MSRB3: variants seen among roughly 807,000 people sequenced by gnomAD.
MSRB3 encodes methionine-R-sulfoxide reductase B3.
In MSRB3, 13 loss-of-function variants were observed where a neutral mutation model predicts 21.0. The observed-to-expected ratio is 0.62, with a 90% CI of 0.40 to 0.98. The LOEUF is 0.98. Ranked by LOEUF, MSRB3 falls within the 50% of genes least tolerant of loss-of-function variation. The pLI, the probability that MSRB3 is intolerant of heterozygous loss-of-function variation, is 0.00. For synonymous variants in MSRB3, 87 were observed against 88.6 expected, an observed-to-expected ratio of 0.98 and a Z score of 0.10; for missense variants, 199 against 230.3, an observed-to-expected ratio of 0.86 and a Z score of 0.88.
intron 5 of MSRB3, among the ~76,000 whole-genome samples, chr12:65,446,995 G>A (rs1477676207): frequency 6.6e-6 from 1 of 152,218 alleles, no homozygotes; most frequent in East Asian, 1.9e-4. Flanking sequence ...AAGCCTGGAA[G>A]ACTGCTCTCT....
At chr12:65,349,070 C>T (rs1469803502) in intron 4 of MSRB3, among the ~76,000 whole-genome samples, 1 of 152,002 alleles carries the variant, frequency 6.6e-6, no homozygotes, top group Non-Finnish European at 1.5e-5. Context: ...CTCCCCACCC[C>T]ACCACAGTCC....
intron 5 of MSRB3, among the ~76,000 whole-genome samples, chr12:65,450,344 T>C (rs938249491): frequency 6.6e-6 from 1 of 152,216 alleles, no homozygotes; most frequent in African/African-American, 2.4e-5. Context: ...TCAGTTGTAC[T>C]ACATATATTT....
chr12:65,453,945 A>G, intron 6 of MSRB3, 120 bp downstream of exon 6: 2 of 819,986 alleles, frequency 2.4e-6, no homozygotes, highest in Admixed American at 1.9e-5. Flanking sequence ...GACGAAGTTT[A>G]TATGAAGTCC....
At chr12:65,384,380 A>G (rs746252905) in intron 5 of MSRB3, among the ~76,000 whole-genome samples, 1 of 152,202 alleles carries the variant, frequency 6.6e-6, no homozygotes, top group South Asian at 2.1e-4. Flanking sequence ...TGTTATCTAC[A>G]TTTGTTACTA....
At chr12:65,350,088 A>T (rs533690645) in intron 4 of MSRB3, among the ~76,000 whole-genome samples, 57 of 152,104 alleles carry the variant, frequency 3.7e-4, no homozygotes, top group African/African-American at 1.3e-3. Context: ...ATTTTTGTAT[A>T]AGGTGTAAGG....
At chr12:65,297,425 G>A (rs535565332) in intron 1 of MSRB3, among the ~76,000 whole-genome samples, 6 of 152,236 alleles carry the variant, frequency 3.9e-5, no homozygotes, top group African/African-American at 1.4e-4. Context: ...TGAGATGGAG[G>A]ATATGGGTCA....
intron 4 of MSRB3, among the ~76,000 whole-genome samples, chr12:65,349,690 G>A (rs1876801497): frequency 6.7e-6 from 1 of 149,078 alleles, no homozygotes; most frequent in South Asian, 2.1e-4. Context: ...AGTGTTTTTT[G>A]GCTGCATAAA....
At chr12:65,307,330 A>G (rs1352284942) in intron 1 of MSRB3, among the ~76,000 whole-genome samples, 1 of 152,164 alleles carries the variant, frequency 6.6e-6, no homozygotes, top group African/African-American at 2.4e-5. Flanking sequence ...TGGGGAAGTC[A>G]GAGTTCAGGC....
chr12:65,438,144 T>C (rs2136675244), intron 5 of MSRB3, among the ~76,000 whole-genome samples: 1 of 152,064 alleles, frequency 6.6e-6, no homozygotes, highest in East Asian at 1.9e-4. Flanking sequence ...AAATTCTTTC[T>C]GATACAATTA....
chr12:65,404,954 C>G (rs1264057422), intron 5 of MSRB3, among the ~76,000 whole-genome samples: 1 of 151,684 alleles, frequency 6.6e-6, no homozygotes, highest in East Asian at 1.9e-4. Context: ...TAACCTTCTA[C>G]TCAACTTTTT....
intron 4 of MSRB3, among the ~76,000 whole-genome samples, chr12:65,331,032 T>A (rs1875381144): frequency 6.6e-6 from 1 of 152,256 alleles, no homozygotes; most frequent in African/African-American, 2.4e-5. Flanking sequence ...GTAAATTATA[T>A]GGTGGACTTC....
At chr12:65,316,997 A>G (rs995847929) in intron 2 of MSRB3, among the ~76,000 whole-genome samples, 4 of 152,106 alleles carry the variant, frequency 2.6e-5, no homozygotes, top group Admixed American at 1.3e-4. Context: ...ATAGATAGGT[A>G]TGGTAGAGTG....
chr12:65,318,639 C>T (rs1874464580), intron 2 of MSRB3, among the ~76,000 whole-genome samples: 1 of 152,184 alleles, frequency 6.6e-6, no homozygotes, highest in African/African-American at 2.4e-5. Context: ...TTCTCTTCCA[C>T]TGTTGTCACT....
chr12:65,300,496 G>A (rs1873252824), intron 1 of MSRB3, among the ~76,000 whole-genome samples: 1 of 152,158 alleles, frequency 6.6e-6, no homozygotes, highest in Non-Finnish European at 1.5e-5. Context: ...CTAAAACAAG[G>A]ACATCAATCT....
At chr12:65,355,215 G>A (rs770360980) in intron 4 of MSRB3, among the ~76,000 whole-genome samples, 11 of 151,780 alleles carry the variant, frequency 7.2e-5, no homozygotes, top group Non-Finnish European at 1.5e-4. Context: ...TTAGTTTTCA[G>A]TATTCCGTTT....
chr12:65,331,666 C>T (rs757132603), intron 4 of MSRB3, among the ~76,000 whole-genome samples: 1 of 152,182 alleles, frequency 6.6e-6, no homozygotes, highest in Non-Finnish European at 1.5e-5. Flanking sequence ...TGCTGCTCAT[C>T]GCTGTGCACA....
At chr12:65,421,192 G>T (rs186116420) in intron 5 of MSRB3, among the ~76,000 whole-genome samples, 2 of 152,062 alleles carry the variant, frequency 1.3e-5, no homozygotes, top group East Asian at 3.9e-4. Flanking sequence ...TTGTGGTTTT[G>T]ATTTGCATTT....
chr12:65,361,420 A>G lies in MSRB3; in HGVS notation c.264-7578A>G, dbSNP rs535281172. The stretch of plus-strand genomic sequence containing the variant: ...CCTTTCCCACAACTGTTACGTGAAT[A>G]TGGACAAGAAATAGACCTATTTGCT... On this transcript the variant is annotated intron_variant, in intron 4 of 6. Coordinates refer to ENST00000308259, the MANE Select transcript of MSRB3 (RefSeq NM_001031679.3). 2.6e-5 allele frequency among the ~76,000 whole-genome samples: 4 copies of G among 152,244 alleles called. No individual in the cohort carries two copies. The East Asian group carries it at 7.7e-4, about 29-fold the overall frequency.
At chr12:65,313,988 T>C (rs1373146854) in intron 2 of MSRB3, among the ~76,000 whole-genome samples, 1 of 152,078 alleles carries the variant, frequency 6.6e-6, no homozygotes, top group Non-Finnish European at 1.5e-5. Flanking sequence ...TAAACAAAAG[T>C]ATATAAGGAA....
Sources: allele counts gnomAD v4.1 joint callset (sites outside exome capture counted in the v4.1 genomes callset), GRCh38; gene constraint gnomAD v4.1.1; transcripts MANE v1.5; gene names NCBI Gene and HGNC (gene_info 2026-07-23, HGNC 2026-07-21).